Variants in ADARB2 observed in about 807,000 individuals in gnomAD.
The protein encoded by ADARB2 is adenosine deaminase RNA specific B2 (inactive).
In ADARB2, 25 loss-of-function variants were observed where a neutral mutation model predicts 62.2. That is an observed-to-expected ratio of 0.40 (90% confidence interval 0.29 to 0.56). The LOEUF (loss-of-function observed/expected upper bound fraction) is 0.56. Ranked by LOEUF, ADARB2 falls within the 20% of genes least tolerant of loss-of-function variation. The pLI is 0.43. For missense variants in ADARB2, 1,071 were observed against 1,077.4 expected (o/e 0.99, Z 0.08); for synonymous variants, 572 against 500.8 (o/e 1.14, Z -1.90).
intron 2 of ADARB2, among the ~76,000 whole-genome samples, chr10:1,366,779 C>T (rs1832317249): frequency 6.6e-6 from 1 of 152,210 alleles, no homozygotes; most frequent in Non-Finnish European, 1.5e-5. Flanking sequence ...CCACAGGCTG[C>T]CCCACGTGTG....
At chr10:1,655,312 G>A (rs1280661784) in intron 1 of ADARB2, among the ~76,000 whole-genome samples, 2 of 152,220 alleles carry the variant, frequency 1.3e-5, no homozygotes, top group Admixed American at 6.5e-5. Context: ...CAACACCCCA[G>A]GGTCTAAGGG....
At chr10:1,659,777 C>T (rs113278256) in intron 1 of ADARB2, among the ~76,000 whole-genome samples, 21 of 149,250 alleles carry the variant, frequency 1.4e-4, no homozygotes, top group South Asian at 6.6e-4. Context: ...TGTGAGACTC[C>T]GGGGCAGGGG....
chr10:1,459,624 G>A (rs924250202), intron 1 of ADARB2, among the ~76,000 whole-genome samples: 15 of 152,320 alleles, frequency 9.8e-5, no homozygotes, highest in East Asian at 5.8e-4. Context: ...TTAGCTGGGC[G>A]TGTGGCACAT....
At chr10:1,287,366 C>T (rs1831423629) in intron 3 of ADARB2, among the ~76,000 whole-genome samples, 1 of 152,206 alleles carries the variant, frequency 6.6e-6, no homozygotes, top group Non-Finnish European at 1.5e-5. Context: ...TAGCCACCAC[C>T]TCAAAGACTT....
chr10:1,698,913 A>T (rs1037022317), intron 1 of ADARB2, among the ~76,000 whole-genome samples: 1 of 152,152 alleles, frequency 6.6e-6, no homozygotes, highest in African/African-American at 2.4e-5. Context: ...GGCACCCACC[A>T]CCAGGCTGAG....
intron 3 of ADARB2, among the ~76,000 whole-genome samples, chr10:1,342,290 G>A (rs905630292): frequency 6.6e-6 from 1 of 152,156 alleles, no homozygotes; most frequent in East Asian, 1.9e-4. Context: ...GGAGAAGGCT[G>A]AGGCAAGTCC....
intron 1 of ADARB2, among the ~76,000 whole-genome samples, chr10:1,490,164 G>T (rs1377895041): frequency 6.6e-6 from 1 of 152,186 alleles, no homozygotes; most frequent in South Asian, 2.1e-4. Flanking sequence ...CAAGCCTAAC[G>T]CCAGCCCCTT....
In ADARB2 at chr10:1,180,650, T is replaced by C. The variant is rs1836660680; in HGVS notation, c.*2543A>G. On this transcript the variant is annotated 3_prime_UTR_variant, in exon 10 of 10. Transcript: ENST00000381312. ...CACTACCCAGGGCCTGGGACCCTCC[T>C]TTCCTTACGTGGGGTCCCCTCTGCA... 1 of 136,512 alleles carries C rather than the reference T, an allele frequency of 7.3e-6. No individual in the cohort carries two copies. Among genetic ancestry groups the C allele is most frequent in the Non-Finnish European group, 1.6e-5 (1 of 61,146 alleles). The allele number at this position is 136,512 out of a possible 1,614,324, so 8.5% of individuals were successfully genotyped here. A position where few individuals can be genotyped will look rare whatever the true frequency, so the allele number is the denominator to read the frequency against.
intron 3 of ADARB2, among the ~76,000 whole-genome samples, chr10:1,325,676 G>A (rs1424454567): frequency 6.6e-6 from 1 of 152,132 alleles, no homozygotes; most frequent in South Asian, 2.1e-4. Context: ...TGTTCACCAG[G>A]CGGTTGTGAG....
rs1185600116 is a variant in ADARB2 at position 1,724,461 on chromosome 10, C to T, written c.100+12590G>A. 2.6e-5 allele frequency among the ~76,000 whole-genome samples: 4 copies of T among 152,276 alleles called. No individual in the cohort carries two copies. The South Asian group carries it at 8.3e-4, about 32-fold the overall frequency. On this transcript the variant is annotated intron_variant, in intron 1 of 9. Transcript: ENST00000381312. ...GTTCCCAAGGGACAGATGCACCAAGCCCCCAAAAGCATCTCCATCAGAGCC... is the reference window on the plus strand; with the variant it reads ...GTTCCCAAGGGACAGATGCACCAAGTCCCCAAAAGCATCTCCATCAGAGCC...
In ADARB2 at chr10:1,180,255, C is replaced by G. The variant is rs570332612; in HGVS notation, c.*2938G>C. 53 of 150,856 alleles carry G rather than the reference C, an allele frequency of 3.5e-4. No individual in the cohort carries two copies. Among genetic ancestry groups the G allele is most frequent in the African/African-American group, 1.0e-3 (42 of 40,968 alleles). 9.3% of individuals were successfully genotyped at this position (150,856 alleles called of 1,614,324 possible). A position where few individuals can be genotyped will look rare whatever the true frequency, so the allele number is the denominator to read the frequency against. ...GTGGGAATCCTGGGACCCGGCCCCC[C>G]CAAGCATAGCTGGGGCTGTGGGAAT... is the stretch of plus-strand genomic sequence containing the variant. On this transcript the variant is annotated 3_prime_UTR_variant, in exon 10 of 10. Coordinates refer to ENST00000381312, the MANE Select transcript of ADARB2 (RefSeq NM_018702.4).
intron 4 of ADARB2, among the ~76,000 whole-genome samples, chr10:1,252,473 C>G (rs995415296): frequency 2.6e-5 from 4 of 152,212 alleles, no homozygotes; most frequent in Non-Finnish European, 4.4e-5. Context: ...CTTCAGTGTT[C>G]AGCCTAACTG....
intron 1 of ADARB2, among the ~76,000 whole-genome samples, chr10:1,444,319 A>G (rs1243306560): frequency 1.5e-5 from 2 of 132,254 alleles, no homozygotes; most frequent in Non-Finnish European, 3.1e-5. Flanking sequence ...CCACTCATTC[A>G]TCCTTCCATC....
intron 1 of ADARB2, among the ~76,000 whole-genome samples, chr10:1,573,350 G>T (rs1832965991): frequency 6.6e-6 from 1 of 152,206 alleles, no homozygotes; most frequent in African/African-American, 2.4e-5. Flanking sequence ...GCTGTCAATG[G>T]CTGCTGCCTG....
intron 1 of ADARB2, among the ~76,000 whole-genome samples, chr10:1,545,765 C>T (rs772449310): frequency 7.9e-5 from 12 of 152,188 alleles, no homozygotes; most frequent in Non-Finnish European, 1.3e-4. Flanking sequence ...GAGGCAGAAG[C>T]GCAGTGAGGG....
At chr10:1,232,680 CGT>C (rs931919898) in intron 6 of ADARB2, among the ~76,000 whole-genome samples, 7 of 138,410 alleles carry the variant, frequency 5.1e-5, no homozygotes, top group South Asian at 4.8e-4. Flanking sequence ...GTGCTTGTGA[CGT>C]GTGTGGTATA....
chr10:1,274,638 A>G (rs1165076499), intron 3 of ADARB2, among the ~76,000 whole-genome samples: 1 of 152,194 alleles, frequency 6.6e-6, no homozygotes, highest in African/African-American at 2.4e-5. Flanking sequence ...GTGGAAACCT[A>G]GGGAGTGCTC....
intron 1 of ADARB2, among the ~76,000 whole-genome samples, chr10:1,606,662 A>C (rs74108954): frequency 0.024 from 3,700 of 152,190 alleles, 142 homozygotes; most frequent in African/African-American, 0.082. Context: ...TTCTCTAAGC[A>C]AGCAGGTTTA....
intron 7 of ADARB2, among the ~76,000 whole-genome samples, chr10:1,205,004 G>T (rs1173782422): frequency 3.3e-5 from 5 of 152,226 alleles, no homozygotes; most frequent in Non-Finnish European, 5.9e-5. Context: ...AGCTTGGGAT[G>T]CCTCAGCCTG....
Sources: gnomAD v4.1 joint callset for allele counts (sites outside exome capture counted in the v4.1 genomes callset) on GRCh38, gnomAD v4.1.1 for gene constraint, MANE v1.5 for transcripts, NCBI Gene and HGNC (gene_info 2026-07-23, HGNC 2026-07-21) for gene names.